Variants in DIP2C observed in about 807,000 individuals in gnomAD.
DIP2C encodes DIP2 acetate--CoA ligase C (putative).
Under a neutral mutation model 192.4 loss-of-function variants are expected in DIP2C, and 33 were observed. The ratio of observed to expected loss-of-function variants is 0.17; its 90% CI spans 0.13 to 0.23. DIP2C has a LOEUF of 0.23. DIP2C is among the 10% of genes least tolerant of loss of function. The probability of loss-of-function intolerance (pLI) is 1.00; values close to 1 mark genes in which losing one functional copy is unlikely to be tolerated. For synonymous variants in DIP2C, 979 were observed against 864.1 expected, an observed-to-expected ratio of 1.13 and a Z score of -2.33; for missense variants, 1,537 against 2,110.1, an observed-to-expected ratio of 0.73 and a Z score of 5.32.
intron 1 of DIP2C, among the ~76,000 whole-genome samples, chr10:520,829 T>C (rs545624827): frequency 4.6e-5 from 7 of 152,242 alleles, no homozygotes; most frequent in African/African-American, 7.2e-5. Context: ...TTCCATGGTT[T>C]AATATGTTGC....
intron 1 of DIP2C, among the ~76,000 whole-genome samples, chr10:497,304 A>G (rs1233809608): frequency 6.6e-6 from 1 of 152,202 alleles, no homozygotes; most frequent in Non-Finnish European, 1.5e-5. Flanking sequence ...GGCTGCATCC[A>G]GGGCTATAGA....
At chr10:633,839 C>T (rs192754232) in intron 1 of DIP2C, among the ~76,000 whole-genome samples, 2 of 152,324 alleles carry the variant, frequency 1.3e-5, no homozygotes, top group Non-Finnish European at 2.9e-5. Flanking sequence ...TACCCCATAG[C>T]GGGGCCCCGG....
At chr10:683,857 C>T (rs949033206) in intron 1 of DIP2C, among the ~76,000 whole-genome samples, 1 of 152,212 alleles carries the variant, frequency 6.6e-6, no homozygotes, top group Non-Finnish European at 1.5e-5. Flanking sequence ...AGAGACGACC[C>T]ATTTGAAAGC....
chr10:474,404 A>G (rs1564756498), intron 2 of DIP2C, among the ~76,000 whole-genome samples: 1 of 152,196 alleles, frequency 6.6e-6, no homozygotes, highest in Non-Finnish European at 1.5e-5. Flanking sequence ...ACAATTCTCC[A>G]GCAGAACTGA....
At chr10:541,454 A>ACC (rs1240988889) in intron 1 of DIP2C, among the ~76,000 whole-genome samples, 1 of 141,048 alleles carries the variant, frequency 7.1e-6, no homozygotes. Context: ...TCTCTCCTGG[A>ACC]CCCCCCCGAG....
At position 276,349 on chromosome 10, in the gene DIP2C, T is replaced by G. The variant is rs969146985; in HGVS notation, c.*976A>C. 4.6e-5 allele frequency: 7 copies of G among 152,676 alleles called. No individual in the cohort carries two copies. The highest frequency in any genetic ancestry group is 1.7e-4 in the African/African-American group (7 of 41,460). 9.5% of individuals were successfully genotyped at this position (152,676 alleles called of 1,614,324 possible). A position where few individuals can be genotyped will look rare whatever the true frequency, so the allele number is the denominator to read the frequency against. On this transcript the variant is annotated 3_prime_UTR_variant, in exon 37 of 37. Coordinates refer to ENST00000280886, the MANE Select transcript of DIP2C (RefSeq NM_014974.3). ...AGACAGGGCTCCTGCGGTCTGCGAC[T>G]GCTGGCAACAGCAGAGTGTATGTGA...
At chr10:588,887 G>GGCC (rs1232256170) in intron 1 of DIP2C, among the ~76,000 whole-genome samples, 2 of 152,164 alleles carry the variant, frequency 1.3e-5, no homozygotes, top group Non-Finnish European at 2.9e-5. Context: ...GGGGTCACCG[G>GGCC]GCCCCACGTT....
At chr10:493,901 G>A (rs934428088) in intron 1 of DIP2C, among the ~76,000 whole-genome samples, 61 of 152,354 alleles carry the variant, frequency 4.0e-4, no homozygotes, top group African/African-American at 1.3e-3. Flanking sequence ...CAAAGTCATC[G>A]TGCAGAACCG....
At chr10:553,511 GAA>G (rs771355601) in intron 1 of DIP2C, among the ~76,000 whole-genome samples, 12 of 152,338 alleles carry the variant, frequency 7.9e-5, no homozygotes, top group Non-Finnish European at 1.5e-4. Context: ...GTAAACACTT[GAA>G]GTTTGGCATA....
At chr10:366,121 G>T (rs925734435) in intron 19 of DIP2C, among the ~76,000 whole-genome samples, 154 bp downstream of exon 19, 35 of 152,218 alleles carry the variant, frequency 2.3e-4, no homozygotes, top group Non-Finnish European at 4.4e-4. Context: ...TATCAAAAGC[G>T]ATAAAAAGTG....
Position 597,764 on chromosome 10 carries a change from G to C in DIP2C, c.85+91730C>G, listed in dbSNP as rs75026394. On this transcript the variant is annotated intron_variant, in intron 1 of 36. Transcript: ENST00000280886. ...TCATGTTTTTATACAAAATAAGCTT[G>C]AGGTTAAAGAGAATAACGTCACTGG... is the stretch of plus-strand genomic sequence containing the variant. Among the ~76,000 whole-genome samples, 757 of 152,286 alleles carry C rather than the reference G, an allele frequency of 5.0e-3. 17 individuals are homozygous for C. The highest frequency in any genetic ancestry group is 0.04 in the East Asian group (205 of 5,180).
chr10:641,240 G>A (rs966120882), intron 1 of DIP2C, among the ~76,000 whole-genome samples: 1 of 152,102 alleles, frequency 6.6e-6, no homozygotes, highest in African/African-American at 2.4e-5. Context: ...AGGTGAGTCT[G>A]TGACTGAGGG....
At chr10:334,660 T>C (rs1957670472) in intron 29 of DIP2C, among the ~76,000 whole-genome samples, 1 of 152,232 alleles carries the variant, frequency 6.6e-6, no homozygotes, top group Non-Finnish European at 1.5e-5. Flanking sequence ...AATGTCCGAA[T>C]TTCCCAGCAT....
At chr10:672,619 G>A (rs1057386492) in intron 1 of DIP2C, among the ~76,000 whole-genome samples, 1 of 152,244 alleles carries the variant, frequency 6.6e-6, no homozygotes, top group African/African-American at 2.4e-5. Context: ...AGATTGGCTG[G>A]CGACCGCTTA....
At chr10:488,863 A>G (rs1228949059) in intron 1 of DIP2C, among the ~76,000 whole-genome samples, 1 of 152,188 alleles carries the variant, frequency 6.6e-6, no homozygotes, top group Non-Finnish European at 1.5e-5. Flanking sequence ...TGTCTTACAA[A>G]CTGAAGCCAG....
At chr10:491,493 C>T (rs987973393) in intron 1 of DIP2C, among the ~76,000 whole-genome samples, 3 of 152,140 alleles carry the variant, frequency 2.0e-5, no homozygotes, top group South Asian at 2.1e-4. Context: ...CTCCAGCAGG[C>T]GCTGCAGACC....
intron 4 of DIP2C, among the ~76,000 whole-genome samples, chr10:429,957 A>G (rs1966841189): frequency 6.6e-6 from 1 of 152,184 alleles, no homozygotes; most frequent in Non-Finnish European, 1.5e-5. Flanking sequence ...GTAAGAAACC[A>G]CCAAGCTGTC....
At chr10:524,543 A>C (rs1334928551) in intron 1 of DIP2C, among the ~76,000 whole-genome samples, 2 of 152,344 alleles carry the variant, frequency 1.3e-5, no homozygotes, top group East Asian at 3.9e-4. Flanking sequence ...ACGATAAACC[A>C]TAGTTGAGAT....
chr10:293,734 G>C (rs1358991679), intron 32 of DIP2C, among the ~76,000 whole-genome samples: 2 of 152,190 alleles, frequency 1.3e-5, no homozygotes, highest in Admixed American at 6.5e-5. Context: ...AGGAACAACA[G>C]TGCTTAAAAA....
Sources: allele counts gnomAD v4.1 joint callset (sites outside exome capture counted in the v4.1 genomes callset), GRCh38; gene constraint gnomAD v4.1.1; transcripts MANE v1.5; gene names NCBI Gene and HGNC (gene_info 2026-07-23, HGNC 2026-07-21).